The following FMN2 variants were observed in gnomAD, a reference collection of about 807,000 sequenced individuals.
The protein encoded by FMN2 is formin-2.
FMN2 carries 51 observed loss-of-function variants against 142.3 expected under a neutral mutation model. That is an observed-to-expected ratio of 0.36 (90% confidence interval 0.29 to 0.45). The LOEUF is 0.45. Among genes scored for constraint, FMN2 ranks in the 20% least tolerant of loss-of-function variants. The pLI is 1.00. For missense variants in FMN2, 1,936 were observed against 2,122.8 expected (o/e 0.91, Z 1.73); for synonymous variants, 882 against 869.8 (o/e 1.01, Z -0.25).
chr1:240,129,048 A>G (rs1662630442), intron 2 of FMN2, among the ~76,000 whole-genome samples: 1 of 151,792 alleles, frequency 6.6e-6, no homozygotes, highest in East Asian at 1.9e-4. Context: ...TAATTTTTGT[A>G]TTTTTAGTAG....
intron 6 of FMN2, among the ~76,000 whole-genome samples, chr1:240,221,496 A>G (rs1205115263): frequency 2.0e-5 from 3 of 151,866 alleles, no homozygotes; most frequent in African/African-American, 4.8e-5. Context: ...TCATATGTTT[A>G]TTGGCCACAT....
intron 1 of FMN2, among the ~76,000 whole-genome samples, chr1:240,120,627 G>A (rs1237287025): frequency 2.0e-5 from 3 of 152,164 alleles, no homozygotes; most frequent in African/African-American, 2.4e-5. Flanking sequence ...TTAAACAAAT[G>A]ATTGCATAAC....
intron 11 of FMN2, 108 bp from the exon 12 acceptor site, chr1:240,333,779 C>A: frequency 1.3e-6 from 1 of 795,994 alleles, no homozygotes; most frequent in Non-Finnish European, 1.9e-6. Flanking sequence ...CATTTCATTC[C>A]AAATGTTCTC....
intron 15 of FMN2, among the ~76,000 whole-genome samples, chr1:240,399,247 T>G (rs920831051): frequency 1.3e-5 from 2 of 152,200 alleles, no homozygotes; most frequent in African/African-American, 4.8e-5. Context: ...ATAAGAGCTC[T>G]TCACAATTTC....
At chr1:240,129,137 G>A (rs1371973791) in intron 2 of FMN2, among the ~76,000 whole-genome samples, 2 of 152,090 alleles carry the variant, frequency 1.3e-5, no homozygotes, top group South Asian at 4.2e-4. Context: ...GCCTCCCAAA[G>A]TGCTGGGATT....
intron 4 of FMN2, among the ~76,000 whole-genome samples, chr1:240,204,736 A>C (rs550698017): frequency 9.9e-5 from 15 of 152,230 alleles, no homozygotes; most frequent in African/African-American, 3.6e-4. Flanking sequence ...GGGCGACAAG[A>C]GCGAAACTCC....
chr1:240,261,885 G>A (rs975843949), intron 7 of FMN2, among the ~76,000 whole-genome samples: 1 of 152,200 alleles, frequency 6.6e-6, no homozygotes, highest in African/African-American at 2.4e-5. Flanking sequence ...TCACCCTGTG[G>A]TTTATAGTAA....
At chr1:240,095,506 A>G (rs1313021015) in intron 1 of FMN2, among the ~76,000 whole-genome samples, 1 of 152,170 alleles carries the variant, frequency 6.6e-6, no homozygotes, top group Non-Finnish European at 1.5e-5. Flanking sequence ...CCATTAAATC[A>G]TGATTTTGCC....
At chr1:240,308,943 A>G (rs1459737753) in intron 8 of FMN2, among the ~76,000 whole-genome samples, 1 of 152,084 alleles carries the variant, frequency 6.6e-6, no homozygotes, top group Non-Finnish European at 1.5e-5. Flanking sequence ...TTCTGTGGTT[A>G]TGTTAGGTTT....
At chr1:240,412,134 A>G (rs1324134663) in intron 15 of FMN2, among the ~76,000 whole-genome samples, 1 of 152,192 alleles carries the variant, frequency 6.6e-6, no homozygotes, top group Non-Finnish European at 1.5e-5. Flanking sequence ...TTCAAAGTGA[A>G]AAGGGGAGAA....
intron 15 of FMN2, among the ~76,000 whole-genome samples, chr1:240,398,568 A>G (rs1285307412): frequency 2.6e-5 from 4 of 152,224 alleles, no homozygotes; most frequent in Non-Finnish European, 2.9e-5. Context: ...AAAAATAAGA[A>G]TAATGAATCA....
At chr1:240,237,047 A>T (rs888682521) in intron 6 of FMN2, among the ~76,000 whole-genome samples, 5 of 152,166 alleles carry the variant, frequency 3.3e-5, no homozygotes, top group Non-Finnish European at 5.9e-5. Context: ...GACAGGAAGG[A>T]TGTGAGTTTT....
intron 16 of FMN2, among the ~76,000 whole-genome samples, chr1:240,471,169 A>G (rs1156413201): frequency 2.0e-5 from 3 of 152,184 alleles, no homozygotes; most frequent in Non-Finnish European, 2.9e-5. Flanking sequence ...ATGCTTAACA[A>G]GAAATACTAG....
At chr1:240,300,827 C>CT (rs1222938623) in intron 8 of FMN2, among the ~76,000 whole-genome samples, 1 of 149,848 alleles carries the variant, frequency 6.7e-6, no homozygotes, top group Admixed American at 6.7e-5. Flanking sequence ...TAGTAATACT[C>CT]TTTGTCTTGA....
intron 13 of FMN2, among the ~76,000 whole-genome samples, chr1:240,350,216 A>C (rs1311903620): frequency 1.3e-5 from 2 of 152,202 alleles, no homozygotes; most frequent in African/African-American, 2.4e-5. Context: ...CTTCCTTCTT[A>C]ATATAGTGAA....
chr1:240,093,285 C>T lies in FMN2; in HGVS notation c.1176C>T (p.Pro392=). The T allele has an allele frequency of 1.2e-6, 2 of 1,607,660 alleles. No individual in the cohort carries two copies. Among genetic ancestry groups the T allele is most frequent in the Non-Finnish European group, 1.7e-6 (2 of 1,177,008 alleles). Residue 392 remains proline, a synonymous_variant, in exon 1 of 18, where the codon CCC becomes CCT. Coordinates refer to ENST00000319653, the MANE Select transcript of FMN2 (RefSeq NM_020066.5). ...PEEEAQGPDA[P]AAASLPGSPA... is the part of the protein sequence containing the mutation. ...AGGAGGCGCAAGGACCTGACGCCCCCGCGGCCGCTTCCCTGCCCGGCAGCC... is the reference window on the plus strand; with the variant it reads ...AGGAGGCGCAAGGACCTGACGCCCCTGCGGCCGCTTCCCTGCCCGGCAGCC...
chr1:240,418,910 C>T (rs1259373576), intron 15 of FMN2, among the ~76,000 whole-genome samples: 2 of 152,014 alleles, frequency 1.3e-5, no homozygotes, highest in Non-Finnish European at 2.9e-5. Context: ...AGTTCGAGAC[C>T]AGCCTGGCCA....
chr1:240,157,803 T>A (rs1414770304), intron 2 of FMN2, among the ~76,000 whole-genome samples: 5 of 151,992 alleles, frequency 3.3e-5, no homozygotes, highest in Non-Finnish European at 7.4e-5. Context: ...GATACTTTTT[T>A]TAAAAAAATG....
In FMN2 at chr1:240,207,020, T is replaced by C. The variant is rs755744898; in HGVS notation, c.2208T>C (p.His736=). The change falls in exon 5 of 18, where the codon CAT becomes CAC. Residue 736 remains histidine, a synonymous_variant. Coordinates refer to ENST00000319653, the MANE Select transcript of FMN2 (RefSeq NM_020066.5). ...LRLEEKEVRH[H]RILEAKSIQT... Reference sequence around the variant, plus strand: ...TAGAAGAAAAGGAAGTACGGCATCATAGGATTTTAGAGGCGAAATCGATAC... The same window carrying C: ...TAGAAGAAAAGGAAGTACGGCATCACAGGATTTTAGAGGCGAAATCGATAC... The C allele has an allele frequency of 1.2e-6, 2 of 1,614,118 alleles. No homozygotes were observed. The highest frequency in any genetic ancestry group is 1.7e-6 in the Non-Finnish European group (2 of 1,180,008).
Sources: allele counts gnomAD v4.1 joint callset (sites outside exome capture counted in the v4.1 genomes callset), GRCh38; gene constraint gnomAD v4.1.1; transcripts MANE v1.5; gene names NCBI Gene and HGNC (gene_info 2026-07-23, HGNC 2026-07-21).